The following GGT1 variants were observed in gnomAD, a reference collection of about 807,000 sequenced individuals.
GGT1 encodes glutathione hydrolase 1 proenzyme.
Under a neutral mutation model 56.0 loss-of-function variants are expected in GGT1, and 21 were observed. That is an observed-to-expected ratio of 0.38 (90% CI 0.27 to 0.54). The LOEUF (loss-of-function observed/expected upper bound fraction) is 0.54, where lower values mean the gene tolerates loss of function less well. GGT1 is among the 20% of genes least tolerant of loss of function. The pLI, the probability that GGT1 is intolerant of heterozygous loss-of-function variation, is 0.82. For synonymous variants in GGT1, 238 were observed against 342.6 expected (o/e 0.69, Z 3.37); for missense variants, 466 against 787.0 (o/e 0.59, Z 4.88).
chr22:24,592,795 TCCCAGACC>T (rs1362035912), upstream of GGT1: 8 of 1,259,394 alleles, frequency 6.4e-6, no homozygotes, highest in East Asian at 3.6e-5. Context: ...GCCCCGCGCC[TCCCAGACC>T]CCCAGACCCC....
At chr22:24,583,810 T>C in the GGT1 span, 3 of 470,976 alleles carry the variant, frequency 6.4e-6, no homozygotes, top group Admixed American at 2.3e-5. Context: ...ACCATCCTGG[T>C]AGGAATCTCT....
At chr22:24,586,231 C>G in the GGT1 span, 1 of 1,613,688 alleles carries the variant, frequency 6.2e-7, no homozygotes. Context: ...ACAGGCTGGG[C>G]AGCAGGAGGT....
chr22:24,622,350 G>T (rs2047475889), intron 9 of GGT1, among the ~76,000 whole-genome samples: 1 of 152,128 alleles, frequency 6.6e-6, no homozygotes, highest in African/African-American at 2.4e-5. Context: ...GGATCACGGG[G>T]TCAGGAGATC....
chr22:24,621,039 G>A lies in GGT1; in HGVS notation c.702G>A (p.Thr234=), dbSNP rs114926965. The A allele has an allele frequency of 1.3e-3, 2,057 of 1,599,998 alleles. 18 individuals carry two copies. In the African/African-American group the frequency reaches 0.024, roughly 19 times the overall value. The part of the protein sequence containing the change: ...GAQAFYNGSL[T]AQIVKDIQAA... ...AGGCCTTCTACAACGGCAGCCTCAC[G>A]GCCCAGATTGTGAAGGACATCCAGG... The change falls in exon 9 of 16, where the codon ACG becomes ACA. Residue 234 remains threonine, a synonymous_variant. Transcript: ENST00000400382.
At chr22:24,585,970 C>T in the GGT1 span, 26,596 of 1,609,936 alleles carry the variant, frequency 0.017, 253 homozygotes, top group Middle Eastern at 0.018. Flanking sequence ...TGGCCCCGGC[C>T]GCACTGCCCT....
the GGT1 span, among the ~76,000 whole-genome samples, chr22:24,584,372 G>A: frequency 7.2e-4 from 110 of 152,344 alleles, no homozygotes; most frequent in African/African-American, 2.5e-3. Flanking sequence ...TCTCTCCAAA[G>A]CCTTTGGGTA....
At chr22:24,592,678 A>C, upstream of GGT1, 1 of 1,116,668 alleles carries the variant, frequency 9.0e-7, no homozygotes, top group Non-Finnish European at 1.2e-6. Context: ...CCTCTCGCCC[A>C]CGCAAGACCC....
intron 9 of GGT1, among the ~76,000 whole-genome samples, chr22:24,622,450 G>A (rs2047484882): frequency 6.6e-6 from 1 of 152,126 alleles, no homozygotes; most frequent in African/African-American, 2.4e-5. Flanking sequence ...TGCAGTCCCA[G>A]CTACTTGGGA....
chr22:24,593,942 A>C (rs1016633867), upstream of GGT1, among the ~76,000 whole-genome samples: 3 of 152,356 alleles, frequency 2.0e-5, no homozygotes, highest in East Asian at 5.8e-4. Flanking sequence ...CAGCCTGGGA[A>C]ATAAACCGGA....
At chr22:24,612,335 G>C (rs1177082799) in intron 5 of GGT1, among the ~76,000 whole-genome samples, 1 of 146,780 alleles carries the variant, frequency 6.8e-6, no homozygotes, top group Non-Finnish European at 1.5e-5. Flanking sequence ...TAAGTTTTAG[G>C]GTACATGTGC....
At chr22:24,592,056 A>G (rs1254733672), upstream of GGT1, among the ~76,000 whole-genome samples, 3 of 152,020 alleles carry the variant, frequency 2.0e-5, no homozygotes, top group Admixed American at 2.0e-4. Flanking sequence ...TGCAGGCCGA[A>G]CACCTGCATG....
the GGT1 span, chr22:24,585,806 T>G: frequency 9.2e-5 from 124 of 1,347,508 alleles, 1 homozygote; most frequent in Non-Finnish European, 1.2e-4. Flanking sequence ...GGCCTGTGAG[T>G]CCTCCTTGAC....
intron 1 of GGT1, among the ~76,000 whole-genome samples, chr22:24,603,767 G>A (rs2045851774): frequency 6.6e-6 from 1 of 151,834 alleles, no homozygotes; most frequent in African/African-American, 2.4e-5. Flanking sequence ...GTGGGGGCGG[G>A]GGGTCAGCTC....
chr22:24,592,114 G>C (rs1362225803), upstream of GGT1: 1 of 367,618 alleles, frequency 2.7e-6, no homozygotes, highest in Non-Finnish European at 5.4e-6. Context: ...GGTAGCTGCT[G>C]TAGGGGGTGG....
At chr22:24,624,212 C>T in intron 11 of GGT1, 7 of 984,892 alleles carry the variant, frequency 7.1e-6, no homozygotes, top group Non-Finnish European at 7.2e-6. Context: ...GGGGGCATTG[C>T]AGCCCTCGGG....
chr22:24,605,594 A>C (rs2046147597), intron 1 of GGT1, among the ~76,000 whole-genome samples: 1 of 54,538 alleles, frequency 1.8e-5, no homozygotes, highest in Non-Finnish European at 2.6e-5. Flanking sequence ...ATATAATATT[A>C]TATAATGTGT....
the GGT1 span, chr22:24,588,387 C>T: frequency 7.3e-7 from 1 of 1,371,804 alleles, no homozygotes. Context: ...ACCTCAGGGC[C>T]TTGGGGAGAG....
chr22:24,591,933 A>G (rs553235796), upstream of GGT1, among the ~76,000 whole-genome samples: 1 of 152,180 alleles, frequency 6.6e-6, no homozygotes, highest in South Asian at 2.1e-4. Flanking sequence ...GGAGGTGGAG[A>G]AGGGAAGGGA....
chr22:24,625,096 G>A (rs141626098), intron 11 of GGT1, among the ~76,000 whole-genome samples: 85 of 152,238 alleles, frequency 5.6e-4, no homozygotes, highest in African/African-American at 2.0e-3. Flanking sequence ...AACTCTCTCC[G>A]TCTCCACCCA....
Sources: allele counts gnomAD v4.1 joint callset (sites outside exome capture counted in the v4.1 genomes callset), GRCh38; gene constraint gnomAD v4.1.1; transcripts MANE v1.5; gene names NCBI Gene and HGNC (gene_info 2026-07-23, HGNC 2026-07-21).